CMTM8: variants seen among roughly 807,000 people sequenced by gnomAD.
The protein encoded by CMTM8 is CKLF-like MARVEL transmembrane domain-containing protein 8.
A neutral mutation model predicts 18.6 loss-of-function variants in CMTM8; 12 were observed. The ratio of observed to expected loss-of-function variants is 0.65; its 90% CI spans 0.41 to 1.05. The LOEUF (loss-of-function observed/expected upper bound fraction) is 1.05, where lower values mean the gene tolerates loss of function less well. Ranked by LOEUF, CMTM8 falls within the 50% of genes least tolerant of loss-of-function variation. The pLI is 0.00. For synonymous variants in CMTM8, 87 were observed against 90.6 expected, an observed-to-expected ratio of 0.96 and a Z score of 0.23; for missense variants, 217 against 227.2, an observed-to-expected ratio of 0.95 and a Z score of 0.29.
At chr3:32,309,715 A>C (rs1053937735) in intron 1 of CMTM8, among the ~76,000 whole-genome samples, 5 of 152,286 alleles carry the variant, frequency 3.3e-5, no homozygotes, top group Non-Finnish European at 5.9e-5. Flanking sequence ...TCATGCTTTC[A>C]GTAACTTGGC....
chr3:32,361,337 T>TA (rs2125601919), intron 2 of CMTM8, among the ~76,000 whole-genome samples: 1 of 134,854 alleles, frequency 7.4e-6, no homozygotes, highest in Admixed American at 8.1e-5. Context: ...TTGGTGCATT[T>TA]ACAACAATAT....
rs72619947 is a variant in CMTM8 at position 32,259,934 on chromosome 3, C to T, written c.147+20815C>T. On this transcript the variant is annotated intron_variant, in intron 1 of 3. Transcript: ENST00000307526. ...GAGGGAGGTGGAGGCCCGCTACACC[C>T]TGCAGATAGAGCAGCTCAACGGGAT... 0.04 allele frequency: 45,542 copies of T among 1,140,588 alleles called. 4,229 individuals are homozygous for T. In the East Asian group the frequency reaches 0.41, roughly 10 times the overall value. The allele number at this position is 1,140,588 out of a possible 1,614,324, so 70.7% of individuals were successfully genotyped here.
rs528085135 is a variant in CMTM8, at chr3:32,319,041, T to C, written c.148-38332T>C. ...TTTTTTTGAAAATATTAAATTTATA[T>C]ATATGTGTGTATATACATATATATA... On this transcript the variant is annotated intron_variant, in intron 1 of 3. Coordinates refer to ENST00000307526, the MANE Select transcript of CMTM8 (RefSeq NM_178868.5). Among the ~76,000 whole-genome samples the C allele has an allele frequency of 6.2e-4, 72 of 115,832 alleles. 1 individual carries two copies. Among genetic ancestry groups the C allele is most frequent in the African/African-American group, 2.3e-3 (65 of 28,586 alleles). 76.0% of individuals were successfully genotyped at this position (115,832 alleles called of 152,430 possible).
chr3:32,320,783 C>T (rs1696029208), intron 1 of CMTM8, among the ~76,000 whole-genome samples: 1 of 152,074 alleles, frequency 6.6e-6, no homozygotes, highest in African/African-American at 2.4e-5. Flanking sequence ...TATAAGGGTG[C>T]AGGAAAACTG....
Position 32,280,309 on chromosome 3 carries a change from T to A in CMTM8, c.147+41190T>A, listed in dbSNP as rs530209508. Among the ~76,000 whole-genome samples the A allele has an allele frequency of 3.9e-5, 6 of 152,310 alleles. No individual in the cohort carries two copies. The East Asian group carries it at 1.2e-3, about 29-fold the overall frequency. Reference sequence around the variant, plus strand: ...AAGTAACAAAAGGATCATAAGCTACTTCCTTTGCACCCCCACCCACTTTTT... The same window carrying A: ...AAGTAACAAAAGGATCATAAGCTACATCCTTTGCACCCCCACCCACTTTTT... On this transcript the variant is annotated intron_variant, in intron 1 of 3. Transcript: ENST00000307526.
intron 1 of CMTM8, among the ~76,000 whole-genome samples, chr3:32,349,876 C>T (rs1286028536): frequency 1.3e-5 from 2 of 152,134 alleles, no homozygotes; most frequent in South Asian, 2.1e-4. Context: ...GGTGTGGTGG[C>T]GCACGCTTGT....
intron 1 of CMTM8, chr3:32,259,920 A>T: frequency 9.1e-7 from 1 of 1,098,212 alleles, no homozygotes; most frequent in Non-Finnish European, 1.4e-6. Context: ...AGGGAGGTGG[A>T]GGCCCGCTAC....
At chr3:32,261,836 A>G (rs947359793) in intron 1 of CMTM8, among the ~76,000 whole-genome samples, 5 of 152,320 alleles carry the variant, frequency 3.3e-5, no homozygotes, top group Non-Finnish European at 7.3e-5. Context: ...GTACACACCC[A>G]TGAGATTCAT....
intron 1 of CMTM8, among the ~76,000 whole-genome samples, chr3:32,308,854 A>C (rs1366764031): frequency 1.3e-5 from 2 of 152,176 alleles, no homozygotes; most frequent in Non-Finnish European, 2.9e-5. Context: ...CTAGGAACCT[A>C]AGGTTCAAAA....
At chr3:32,239,422 G>A (rs1419522323) in intron 1 of CMTM8, among the ~76,000 whole-genome samples, 1 of 151,990 alleles carries the variant, frequency 6.6e-6, no homozygotes, top group Non-Finnish European at 1.5e-5. Context: ...AGTGGCTATT[G>A]AGTTTGTGTT....
rs1697076477 is a variant in CMTM8, at chr3:32,367,985, A to T, written c.435A>T (p.Ser145=). The change falls in exon 3 of 4, where the codon TCA becomes TCT. Residue 145 remains serine, a synonymous_variant. Coordinates refer to ENST00000307526, the MANE Select transcript of CMTM8 (RefSeq NM_178868.5). ...ACAACTTCAACAGCTGGGCGGCCTC[A>T]TCGGTGAGTAGCCCTCCATCCCCAC... ...DSHNFNSWAA[S]SFFAFLVTIC... is the part of the protein sequence containing the mutation. 6 of 1,596,746 alleles carry T rather than the reference A, an allele frequency of 3.8e-6. No homozygotes were observed. Among genetic ancestry groups the T allele is most frequent in the Non-Finnish European group, 5.2e-6 (6 of 1,164,152 alleles).
intron 1 of CMTM8, among the ~76,000 whole-genome samples, chr3:32,287,674 T>C (rs893636438): frequency 9.2e-5 from 14 of 152,184 alleles, no homozygotes; most frequent in African/African-American, 3.4e-4. Flanking sequence ...GTCGATTAGA[T>C]TGTGAGAATC....
At chr3:32,284,245 T>G (rs1019256517) in intron 1 of CMTM8, among the ~76,000 whole-genome samples, 3 of 152,196 alleles carry the variant, frequency 2.0e-5, no homozygotes, top group African/African-American at 7.2e-5. Context: ...AGAGCGAGAC[T>G]CCGTCTCAAA....
chr3:32,335,638 A>G (rs1283844746), intron 1 of CMTM8, among the ~76,000 whole-genome samples: 2 of 152,196 alleles, frequency 1.3e-5, no homozygotes, highest in Non-Finnish European at 2.9e-5. Context: ...CTAATTAGGT[A>G]GAACAGATGT....
At chr3:32,282,419 T>C (rs1702621247) in intron 1 of CMTM8, among the ~76,000 whole-genome samples, 1 of 152,186 alleles carries the variant, frequency 6.6e-6, no homozygotes, top group South Asian at 2.1e-4. Context: ...ATTGACTGGA[T>C]ATTGGATATT....
chr3:32,325,385 A>T (rs907082897), intron 1 of CMTM8, among the ~76,000 whole-genome samples: 22 of 152,264 alleles, frequency 1.4e-4, no homozygotes, highest in African/African-American at 5.3e-4. Flanking sequence ...GTCAGTGCAG[A>T]TAAAAGGCCA....
chr3:32,255,465 C>T (rs747462374), intron 1 of CMTM8, among the ~76,000 whole-genome samples: 1 of 152,160 alleles, frequency 6.6e-6, no homozygotes, highest in East Asian at 1.9e-4. Context: ...TACTGAACAA[C>T]TATTTAGACT....
chr3:32,321,175 C>G (rs1451553087), intron 1 of CMTM8, among the ~76,000 whole-genome samples: 1 of 150,236 alleles, frequency 6.7e-6, no homozygotes, highest in African/African-American at 2.4e-5. Flanking sequence ...TGGGGTGAAG[C>G]GGCGGGGGGG....
rs1353407868 is a variant in CMTM8, at chr3:32,297,506, T to A, written c.147+58387T>A. Among the ~76,000 whole-genome samples the A allele has an allele frequency of 6.6e-5, 10 of 152,024 alleles. 1 individual carries two copies. The highest frequency in any genetic ancestry group is 1.5e-4 in the Non-Finnish European group (10 of 67,962). ...GTACCTAAACTTTTGATGAGGCTAT[T>A]CTTATCTGTGAACCAACATTTGTGA... On this transcript the variant is annotated intron_variant, in intron 1 of 3. Coordinates refer to ENST00000307526, the MANE Select transcript of CMTM8 (RefSeq NM_178868.5).
Sources: gnomAD v4.1 joint callset for allele counts (sites outside exome capture counted in the v4.1 genomes callset) on GRCh38, gnomAD v4.1.1 for gene constraint, MANE v1.5 for transcripts, NCBI Gene and HGNC (gene_info 2026-07-23, HGNC 2026-07-21) for gene names.